DMC1: variants seen among roughly 807,000 people sequenced by gnomAD.
DMC1 encodes the protein meiotic recombination protein DMC1 homolog.
In DMC1, 27 loss-of-function variants were observed where a neutral mutation model predicts 50.1. The observed-to-expected ratio is 0.54, with a 90% confidence interval of 0.40 to 0.74. The LOEUF is 0.74. Ranked by LOEUF, DMC1 falls within the 30% of genes least tolerant of loss-of-function variation. The pLI is 0.00. For missense variants in DMC1, 295 were observed against 420.2 expected (o/e 0.70, Z 2.60); for synonymous variants, 148 against 136.1 (o/e 1.09, Z -0.61).
At chr22:38,536,186 A>G (rs2090210421) in intron 12 of DMC1, among the ~76,000 whole-genome samples, 1 of 151,674 alleles carries the variant, frequency 6.6e-6, no homozygotes, top group Non-Finnish European at 1.5e-5. Context: ...ACTGCATTGC[A>G]GCTTGGGTGA....
downstream of DMC1, among the ~76,000 whole-genome samples, chr22:38,516,578 CATTTATAGGATAGT>C (rs199854429): frequency 7.5e-3 from 1,144 of 152,198 alleles, 33 homozygotes; most frequent in Admixed American, 0.062. Context: ...TTAAATTGTA[CATTTATAGGATAGT>C]CAGATGTCGC....
At chr22:38,542,018 T>TA (rs61612851) in intron 8 of DMC1, among the ~76,000 whole-genome samples, 210 of 140,920 alleles carry the variant, frequency 1.5e-3, no homozygotes, top group Middle Eastern at 3.5e-3. Flanking sequence ...TCATTTATGA[T>TA]AAAAAAAAAA....
intron 8 of DMC1, among the ~76,000 whole-genome samples, chr22:38,548,142 T>G (rs1452964638): frequency 6.6e-6 from 1 of 152,196 alleles, no homozygotes; most frequent in Non-Finnish European, 1.5e-5. Context: ...ATGTTCTCAA[T>G]TCTCCTCTCT....
At chr22:38,509,780 CT>C in the DMC1 span, among the ~76,000 whole-genome samples, 1 of 152,058 alleles carries the variant, frequency 6.6e-6, no homozygotes, top group Non-Finnish European at 1.5e-5. Context: ...AGCAATTCTC[CT>C]GCCTCAGCCT....
intron 12 of DMC1, among the ~76,000 whole-genome samples, chr22:38,524,888 C>A (rs2090070651): frequency 6.6e-6 from 1 of 151,980 alleles, no homozygotes; most frequent in Non-Finnish European, 1.5e-5. Flanking sequence ...ATGGAGAAAC[C>A]CCGTCTCTAC....
At chr22:38,521,897 A>T (rs1481538240) in intron 12 of DMC1, among the ~76,000 whole-genome samples, 173 bp from the exon 13 acceptor site, 1 of 151,942 alleles carries the variant, frequency 6.6e-6, no homozygotes, top group Non-Finnish European at 1.5e-5. Context: ...TGGAGCTGCT[A>T]TATACCCCAT....
At chr22:38,566,801 G>T (rs1311207926) in intron 3 of DMC1, 65 bp from the exon 4 acceptor site, 5 of 1,530,136 alleles carry the variant, frequency 3.3e-6, no homozygotes, top group African/African-American at 1.4e-5. Context: ...CCCATACTAT[G>T]TCATGTGTTT....
At chr22:38,564,917 C>T (rs1038172913) in intron 4 of DMC1, among the ~76,000 whole-genome samples, 1 of 152,030 alleles carries the variant, frequency 6.6e-6, no homozygotes, top group African/African-American at 2.4e-5. Context: ...CGGTTGAGTC[C>T]CCTCCAAGTT....
rs893042759 is a variant in DMC1 at position 38,552,607 on chromosome 22, T to C, written c.421+59A>G. ...ATTATTTAGAGTATCAGGCACATAGTAGATGTTTGATAAGTAATAGCCATG... is the reference window on the plus strand; with the variant it reads ...ATTATTTAGAGTATCAGGCACATAGCAGATGTTTGATAAGTAATAGCCATG... On this transcript the variant is annotated intron_variant, in intron 7 of 13. Transcript: ENST00000216024. 5 of 1,151,502 alleles carry C rather than the reference T, an allele frequency of 4.3e-6. No homozygotes were observed. In the Admixed American group the frequency reaches 5.1e-5, roughly 12 times the overall value. The allele number at this position is 1,151,502 out of a possible 1,614,324, so 71.3% of individuals were successfully genotyped here.
chr22:38,520,834 C>G (rs1035221206), intron 13 of DMC1, among the ~76,000 whole-genome samples: 1 of 151,950 alleles, frequency 6.6e-6, no homozygotes, highest in East Asian at 1.9e-4. Flanking sequence ...CATAGGTTGT[C>G]TAGCACATCC....
chr22:38,555,313 T>C (rs767492593), intron 6 of DMC1, 44 bp downstream of exon 6: 87 of 1,215,376 alleles, frequency 7.2e-5, no homozygotes, highest in Non-Finnish European at 1.0e-4. Context: ...TGTATGTGTG[T>C]GTGTATAATA....
chr22:38,553,754 T>A lies in DMC1; in HGVS notation c.380-1047A>T, dbSNP rs200920590. Among the ~76,000 whole-genome samples, 7 of 150,950 alleles carry A rather than the reference T, an allele frequency of 4.6e-5. No individual in the cohort carries two copies. The East Asian group carries it at 1.4e-3, about 30-fold the overall frequency. The stretch of plus-strand genomic sequence containing the variant: ...CGGGCAGGCTGCATGAGCTCAGGAG[T>A]TCGAGACCAGCCTGGGCAACATGGT... On this transcript the variant is annotated intron_variant, in intron 6 of 13. Transcript: ENST00000216024.
At position 38,532,556 on chromosome 22, in the gene DMC1, G is replaced by C. The variant is rs10439917; in HGVS notation, c.836+5036C>G. Among the ~76,000 whole-genome samples the C allele has an allele frequency of 5.9e-5, 9 of 151,670 alleles. No individual in the cohort carries two copies. The South Asian group carries it at 1.2e-3, about 21-fold the overall frequency. ...AGCCTGGTCTCGATCTCCTGACCTC[G>C]TGATCCACTGACCTTGGTCTCCCAA... On this transcript the variant is annotated intron_variant, in intron 12 of 13. Transcript: ENST00000216024.
At chr22:38,567,959 C>T (rs907640912) in intron 2 of DMC1, among the ~76,000 whole-genome samples, 2 of 152,234 alleles carry the variant, frequency 1.3e-5, no homozygotes, top group African/African-American at 2.4e-5. Flanking sequence ...GACCAGGCTG[C>T]TATTCGGTAC....
Position 38,519,791 on chromosome 22 carries a change from C to G in DMC1, c.*229G>C. ...TATATGTCAGGTATACACACACAAA[C>G]ACACACACACACAAACATACATATA... On this transcript the variant is annotated 3_prime_UTR_variant, in exon 14 of 14. Coordinates refer to ENST00000216024, the MANE Select transcript of DMC1 (RefSeq NM_007068.4). The G allele has an allele frequency of 2.6e-6, 1 of 381,408 alleles. No individual in the cohort carries two copies. Among genetic ancestry groups the G allele is most frequent in the Non-Finnish European group, 4.9e-6 (1 of 202,338 alleles). The allele number at this position is 381,408 out of a possible 1,614,324, so 23.6% of individuals were successfully genotyped here.
rs760637312 is a variant in DMC1, at chr22:38,521,669, T to C, written c.892A>G (p.Thr298Ala). 1 of 1,613,936 alleles carries C rather than the reference T, an allele frequency of 6.2e-7. No individual in the cohort carries two copies. The highest frequency in any genetic ancestry group is 8.5e-7 in the Non-Finnish European group (1 of 1,179,980). ...CCCTTTCGCAAGCTTATTCTTGTTG[T>C]TGAAGCATGAGCCAGAATGTGTCCC... ...IGGHILAHAS[T>A]TRISLRKGRG... The change falls in exon 13 of 14, where the codon ACA (threonine) becomes GCA (alanine). Residue 298 changes from threonine to alanine, a missense_variant. Transcript: ENST00000216024.
At position 38,566,755 on chromosome 22, in the gene DMC1, G is replaced by A. The variant is rs1352875320; in HGVS notation, c.97-19C>T. 1 of 1,612,362 alleles carries A rather than the reference G, an allele frequency of 6.2e-7. No individual in the cohort carries two copies. Reference sequence around the variant, plus strand: ...CCACGTTCTGTAAATTAAAGAATGGGCACAGCAGACTGATAAGATGCCAGC... The same window carrying A: ...CCACGTTCTGTAAATTAAAGAATGGACACAGCAGACTGATAAGATGCCAGC... On this transcript the variant is annotated intron_variant, in intron 3 of 13. Coordinates refer to ENST00000216024, the MANE Select transcript of DMC1 (RefSeq NM_007068.4).
downstream of DMC1, among the ~76,000 whole-genome samples, chr22:38,514,885 G>C (rs969266390): frequency 6.6e-6 from 1 of 150,680 alleles, no homozygotes; most frequent in Non-Finnish European, 1.5e-5. Context: ...CTAACCGTAA[G>C]TATACTCAGT....
intron 12 of DMC1, among the ~76,000 whole-genome samples, chr22:38,536,523 G>C (rs1395695690): frequency 2.0e-5 from 3 of 152,142 alleles, no homozygotes; most frequent in South Asian, 2.1e-4. Context: ...AATATGCCTA[G>C]TGTGAACTGA....
Sources: allele counts gnomAD v4.1 joint callset (sites outside exome capture counted in the v4.1 genomes callset), GRCh38; gene constraint gnomAD v4.1.1; transcripts MANE v1.5; gene names NCBI Gene and HGNC (gene_info 2026-07-23, HGNC 2026-07-21).